The following RSPO2 variants were observed in gnomAD, a reference collection of about 807,000 sequenced individuals.
The protein encoded by RSPO2 is R-spondin 2.
A neutral mutation model predicts 30.9 loss-of-function variants in RSPO2; 14 were observed. The ratio of observed to expected loss-of-function variants is 0.45; its 90% CI spans 0.30 to 0.71. RSPO2 has a LOEUF of 0.71. Ranked by LOEUF, RSPO2 falls within the 30% of genes least tolerant of loss-of-function variation. The pLI is 0.08. For missense variants in RSPO2, 264 were observed against 301.9 expected, an observed-to-expected ratio of 0.87 and a Z score of 0.93; for synonymous variants, 107 against 96.4, an observed-to-expected ratio of 1.11 and a Z score of -0.64.
intron 2 of RSPO2, among the ~76,000 whole-genome samples, chr8:108,046,663 A>T (rs1811916437): frequency 6.6e-6 from 1 of 152,158 alleles, no homozygotes; most frequent in Non-Finnish European, 1.5e-5. Flanking sequence ...TCTATTAACT[A>T]CACAGGCACA....
intron 2 of RSPO2, among the ~76,000 whole-genome samples, chr8:108,048,052 C>T (rs988886): frequency 0.2 from 30,416 of 151,852 alleles, 3,261 homozygotes; most frequent in Non-Finnish European, 0.24. Flanking sequence ...TACTATGCCG[C>T]GTGCTTCTTA....
At chr8:108,056,638 A>AG (rs1404435782) in intron 2 of RSPO2, among the ~76,000 whole-genome samples, 2 of 143,090 alleles carry the variant, frequency 1.4e-5, no homozygotes, top group Non-Finnish European at 3.1e-5. Flanking sequence ...AAAAAAAAAA[A>AG]AAAAAGAAAA....
At chr8:107,933,496 A>G (rs1384223189) in intron 5 of RSPO2, among the ~76,000 whole-genome samples, 2 of 152,096 alleles carry the variant, frequency 1.3e-5, no homozygotes, top group African/African-American at 4.8e-5. Context: ...GTGTTTATGT[A>G]AAAAAATGTT....
chr8:107,976,881 A>G (rs1007948384), intron 3 of RSPO2, among the ~76,000 whole-genome samples: 1 of 152,258 alleles, frequency 6.6e-6, no homozygotes, highest in African/African-American at 2.4e-5. Context: ...TCAGAACTTT[A>G]TCAACAAAAA....
At chr8:108,028,554 G>A (rs1286897177) in intron 2 of RSPO2, among the ~76,000 whole-genome samples, 1 of 152,078 alleles carries the variant, frequency 6.6e-6, no homozygotes, top group Admixed American at 6.6e-5. Context: ...TCTCTGTGTG[G>A]GAACTTTGGA....
At chr8:107,903,406 C>T (rs1357074910) in intron 5 of RSPO2, among the ~76,000 whole-genome samples, 1 of 152,076 alleles carries the variant, frequency 6.6e-6, no homozygotes, top group Non-Finnish European at 1.5e-5. Flanking sequence ...CTTTCACTAA[C>T]AGCAAATCCA....
chr8:107,947,889 C>T (rs987566627), intron 5 of RSPO2, among the ~76,000 whole-genome samples: 2 of 152,208 alleles, frequency 1.3e-5, no homozygotes, highest in Non-Finnish European at 2.9e-5. Flanking sequence ...TGCGTTTCGG[C>T]CAGGTTCATT....
intron 2 of RSPO2, among the ~76,000 whole-genome samples, chr8:108,041,731 T>A (rs1479238386): frequency 2.6e-5 from 4 of 151,700 alleles, no homozygotes; most frequent in African/African-American, 9.7e-5. Flanking sequence ...TTTGGAAGAG[T>A]CACTATTGGG....
At chr8:108,056,335 T>C (rs1586663276) in intron 2 of RSPO2, among the ~76,000 whole-genome samples, 1 of 151,904 alleles carries the variant, frequency 6.6e-6, no homozygotes, top group East Asian at 1.9e-4. Context: ...TTGGGCCCAA[T>C]CTTGTAAGCA....
At chr8:108,039,044 A>G (rs1472571287) in intron 2 of RSPO2, among the ~76,000 whole-genome samples, 1 of 152,220 alleles carries the variant, frequency 6.6e-6, no homozygotes, top group Non-Finnish European at 1.5e-5. Context: ...AACGGCTTAA[A>G]TAATTAAATC....
chr8:108,070,314 C>T, intron 2 of RSPO2, among the ~76,000 whole-genome samples: 1 of 116,614 alleles, frequency 8.6e-6, no homozygotes, highest in East Asian at 2.7e-4. Context: ...GAGACAGAGT[C>T]TCGCTCTGTC....
intron 2 of RSPO2, among the ~76,000 whole-genome samples, chr8:108,048,706 G>A (rs1168017609): frequency 6.6e-6 from 1 of 151,980 alleles, no homozygotes; most frequent in East Asian, 1.9e-4. Flanking sequence ...CTTGCCTTCT[G>A]CTAGCTTTTG....
At chr8:107,911,347 C>G (rs1210692916) in intron 5 of RSPO2, among the ~76,000 whole-genome samples, 6 of 152,170 alleles carry the variant, frequency 3.9e-5, no homozygotes, top group Admixed American at 2.0e-4. Flanking sequence ...GGAGAAGTAG[C>G]AGGGTACAAC....
chr8:108,029,079 T>G (rs1811328218), intron 2 of RSPO2, among the ~76,000 whole-genome samples: 1 of 125,454 alleles, frequency 8.0e-6, no homozygotes. Context: ...TTTTTTTTTT[T>G]TTTTTTTTTT....
intron 2 of RSPO2, among the ~76,000 whole-genome samples, chr8:108,057,269 G>A (rs1229653473): frequency 6.6e-6 from 1 of 151,752 alleles, no homozygotes; most frequent in Non-Finnish European, 1.5e-5. Flanking sequence ...TTATGACACA[G>A]GCACTTTCAA....
chr8:107,951,050 TTTGTTG>T (rs748285222), intron 5 of RSPO2, among the ~76,000 whole-genome samples: 4 of 69,864 alleles, frequency 5.7e-5, no homozygotes, highest in East Asian at 8.5e-4. Flanking sequence ...TAAGTTTTTT[TTTGTTG>T]TTGTTGTTGT....
intron 4 of RSPO2, 134 bp downstream of exon 4, chr8:107,960,540 A>T: frequency 1.2e-6 from 1 of 834,892 alleles, no homozygotes; most frequent in Non-Finnish European, 1.9e-6. Flanking sequence ...ATCAGCAAAG[A>T]ACTTAATTTT....
chr8:107,994,014 C>A (rs1294121125), intron 2 of RSPO2, among the ~76,000 whole-genome samples: 1 of 152,098 alleles, frequency 6.6e-6, no homozygotes, highest in Admixed American at 6.6e-5. Flanking sequence ...AGGTCACCTT[C>A]TAAGTTTCCA....
chr8:107,952,349 C>T (rs1419574082), intron 5 of RSPO2, among the ~76,000 whole-genome samples: 1 of 151,062 alleles, frequency 6.6e-6, no homozygotes, highest in Non-Finnish European at 1.5e-5. Context: ...AGCCGGAGTA[C>T]CTGGAAAATA....
Sources: gnomAD v4.1 joint callset for allele counts (sites outside exome capture counted in the v4.1 genomes callset) on GRCh38, gnomAD v4.1.1 for gene constraint, MANE v1.5 for transcripts, NCBI Gene and HGNC (gene_info 2026-07-23, HGNC 2026-07-21) for gene names.